The following ZNF529 variants were observed in gnomAD, a reference collection of about 807,000 sequenced individuals.
The protein encoded by ZNF529 is zinc finger protein 529.
ZNF529 carries 11 observed loss-of-function variants against 10.1 expected under a neutral mutation model. The observed-to-expected ratio is 1.09, with a 90% CI of 0.69 to 1.81. The LOEUF is 1.81. Ranked by LOEUF, ZNF529 falls within the 40% of genes most tolerant of loss-of-function variation. The pLI is 0.00. For missense variants in ZNF529, 624 were observed against 666.8 expected, an observed-to-expected ratio of 0.94 and a Z score of 0.71; for synonymous variants, 204 against 215.7, an observed-to-expected ratio of 0.95 and a Z score of 0.47.
At chr19:36,552,323 G>A (rs1035381478) in intron 4 of ZNF529, among the ~76,000 whole-genome samples, 2 of 152,028 alleles carry the variant, frequency 1.3e-5, no homozygotes, top group Admixed American at 6.6e-5. Flanking sequence ...CCAGCTACTC[G>A]GGAGGCTGAG....
At chr19:36,600,408 A>G (rs1222208946) in intron 1 of ZNF529, among the ~76,000 whole-genome samples, 2 of 152,320 alleles carry the variant, frequency 1.3e-5, no homozygotes, top group South Asian at 2.1e-4. Context: ...CAACTGATTT[A>G]TAATTTAGCA....
At position 36,547,727 on chromosome 19, in the gene ZNF529, A is replaced by T. The variant is rs946091312; in HGVS notation, c.831T>A (p.Asp277Glu). ...GKVTPLQRVH[D>E]GEKHFECSFC... ...ATGAGCATTCAAAGTGTTTCTCACCATCATGAACTCTTTGAAGTGGAGTAA... is the reference window on the plus strand; with the variant it reads ...ATGAGCATTCAAAGTGTTTCTCACCTTCATGAACTCTTTGAAGTGGAGTAA... The change falls in exon 5 of 5, where the codon GAT becomes GAA. Residue 277 changes from aspartate to glutamate, a missense_variant. Physicochemically the swap from Asp to Glu is conservative, Grantham distance 45. Transcript: ENST00000591340. 6.2e-7 allele frequency: 1 copy of T among 1,613,796 alleles called. No individual in the cohort carries two copies. The highest frequency in any genetic ancestry group is 1.3e-5 in the African/African-American group (1 of 74,932).
intron 3 of ZNF529, among the ~76,000 whole-genome samples, chr19:36,555,153 C>T (rs1014656395): frequency 2.6e-5 from 4 of 152,156 alleles, no homozygotes; most frequent in Non-Finnish European, 5.9e-5. Flanking sequence ...CGTCATTCCC[C>T]TGTACAGGAG....
intron 3 of ZNF529, among the ~76,000 whole-genome samples, chr19:36,555,100 T>C (rs2035414352): frequency 6.6e-6 from 1 of 152,228 alleles, no homozygotes; most frequent in South Asian, 2.1e-4. Flanking sequence ...TTTCATGCTA[T>C]GTGCCTGCCT....
intron 1 of ZNF529, among the ~76,000 whole-genome samples, chr19:36,602,369 A>G (rs2036938761): frequency 6.6e-6 from 1 of 152,148 alleles, no homozygotes; most frequent in African/African-American, 2.4e-5. Context: ...TTTAATTGCC[A>G]AAATCCAAAA....
In ZNF529 at chr19:36,548,273, A is replaced by T. The variant is rs569880461; in HGVS notation, c.285T>A (p.Ile95=). 6.2e-7 allele frequency: 1 copy of T among 1,610,508 alleles called. No individual in the cohort carries two copies. Among genetic ancestry groups the T allele is most frequent in the Non-Finnish European group, 8.5e-7 (1 of 1,178,074 alleles). Residue 95 remains isoleucine (I), a synonymous_variant, in exon 5 of 5, where the codon ATT becomes ATA. Transcript: ENST00000591340. ...CCCACTGAGAACCAGTGTTTTGAATAATATCTTTTCCTACAGATAAATGCT... is the reference window on the plus strand; with the variant it reads ...CCCACTGAGAACCAGTGTTTTGAATTATATCTTTTCCTACAGATAAATGCT... The part of the protein sequence containing the change: ...ETKHLSVGKD[I]IQNTGSQWEV...
upstream of ZNF529, among the ~76,000 whole-genome samples, chr19:36,578,224 G>A (rs1169369364): frequency 2.2e-5 from 3 of 138,214 alleles, no homozygotes; most frequent in South Asian, 2.5e-4. Context: ...GCCACCGCAC[G>A]CAGCTAATTT....
chr19:36,562,191 T>C (rs1361407984), intron 2 of ZNF529, among the ~76,000 whole-genome samples: 1 of 151,812 alleles, frequency 6.6e-6, no homozygotes, highest in African/African-American at 2.4e-5. Flanking sequence ...TGAGCCGAGA[T>C]CGCACCATTG....
chr19:36,551,832 A>G (rs2035270348), intron 4 of ZNF529: 1 of 152,156 alleles, frequency 6.6e-6, no homozygotes. Flanking sequence ...CCATCCCTTT[A>G]TTCTTATACA....
At chr19:36,560,173 C>T (rs532576564) in intron 2 of ZNF529, among the ~76,000 whole-genome samples, 1 of 145,268 alleles carries the variant, frequency 6.9e-6, no homozygotes, top group Non-Finnish European at 1.5e-5. Flanking sequence ...AGAACAATCA[C>T]ATGAACCCAG....
intron 2 of ZNF529, among the ~76,000 whole-genome samples, chr19:36,560,255 CTCAAA>C (rs1305230873): frequency 1.1e-3 from 72 of 65,318 alleles, no homozygotes; most frequent in African/African-American, 5.3e-3. Flanking sequence ...GAAACTCCGT[CTCAAA>C]AAAAAAAAAA....
rs770746097 is a variant in ZNF529 at position 36,546,919 on chromosome 19, C to A, written c.1639G>T (p.Gly547Trp). Residue 547 changes from glycine (G) to tryptophan (W), a missense_variant, in exon 5 of 5, where the codon GGG becomes TGG. By Grantham distance (184) the Gly-to-Trp change is radical (BLOSUM62 -2). Coordinates refer to ENST00000591340, the MANE Select transcript of ZNF529 (RefSeq NM_020951.5). ...KECGNSFSVVGHLTCQPKIYT... is the reference protein window; with the variant it reads ...KECGNSFSVVWHLTCQPKIYT... ...ATTTTCGGTTGGCAAGTAAGATGCC[C>A]AACAACACTAAAGGAATTCCCACAC... 6.2e-7 allele frequency: 1 copy of A among 1,613,114 alleles called. No homozygotes were observed. Among genetic ancestry groups the A allele is most frequent in the Admixed American group, 1.7e-5 (1 of 59,928 alleles).
intron 2 of ZNF529, among the ~76,000 whole-genome samples, chr19:36,569,403 GAACT>G (rs1266303815): frequency 6.6e-6 from 1 of 152,042 alleles, no homozygotes; most frequent in Middle Eastern, 3.2e-3. Flanking sequence ...AACAGAGAAA[GAACT>G]AAAAAGGAAA....
intron 2 of ZNF529, among the ~76,000 whole-genome samples, chr19:36,578,888 G>A (rs577194995): frequency 2.7e-5 from 4 of 149,916 alleles, no homozygotes; most frequent in African/African-American, 7.3e-5. Context: ...GTGAGCCACC[G>A]CACCCGGCCA....
intron 1 of ZNF529, among the ~76,000 whole-genome samples, chr19:36,594,948 G>A (rs767549432): frequency 2.0e-5 from 3 of 150,856 alleles, no homozygotes; most frequent in South Asian, 2.1e-4. Flanking sequence ...GCACAATATC[G>A]GCTCACTGCA....
At chr19:36,583,941 A>T (rs2036524101) in intron 2 of ZNF529, among the ~76,000 whole-genome samples, 2 of 152,254 alleles carry the variant, frequency 1.3e-5, no homozygotes, top group South Asian at 4.1e-4. Context: ...TCATAAAAGG[A>T]GAAAAAGGAG....
intron 2 of ZNF529, among the ~76,000 whole-genome samples, chr19:36,571,843 T>G (rs541334909): frequency 6.6e-6 from 1 of 151,938 alleles, no homozygotes; most frequent in South Asian, 2.1e-4. Flanking sequence ...GATTTGGTTG[T>G]CACCACTTAA....
At chr19:36,605,299 G>C (rs1161290145), upstream of ZNF529, 2 of 152,518 alleles carry the variant, frequency 1.3e-5, no homozygotes, top group Non-Finnish European at 2.9e-5. Context: ...AGGCCCACGC[G>C]CGAGTGCGCA....
At chr19:36,569,670 G>A (rs1354141300) in intron 2 of ZNF529, among the ~76,000 whole-genome samples, 1 of 152,148 alleles carries the variant, frequency 6.6e-6, no homozygotes, top group African/African-American at 2.4e-5. Context: ...AGGAGGCTGA[G>A]GCATGAGAAT....
Sources: allele counts gnomAD v4.1 joint callset (sites outside exome capture counted in the v4.1 genomes callset), GRCh38; gene constraint gnomAD v4.1.1; transcripts MANE v1.5; gene names NCBI Gene and HGNC (gene_info 2026-07-23, HGNC 2026-07-21).